STX8: variants seen among roughly 807,000 people sequenced by gnomAD.
The protein encoded by STX8 is syntaxin-8.
STX8 carries 23 observed loss-of-function variants against 37.5 expected under a neutral mutation model. The ratio of observed to expected loss-of-function variants is 0.61; its 90% confidence interval spans 0.44 to 0.87. STX8 has a LOEUF of 0.87. STX8 is among the 40% of genes least tolerant of loss of function. STX8 has a pLI of 0.00. For synonymous variants in STX8, 115 were observed against 99.1 expected (o/e 1.16, Z -0.95); for missense variants, 313 against 284.7 (o/e 1.10, Z -0.71).
At chr17:9,394,017 T>TA (rs1912315881) in intron 6 of STX8, among the ~76,000 whole-genome samples, 1 of 151,698 alleles carries the variant, frequency 6.6e-6, no homozygotes, top group Non-Finnish European at 1.5e-5. Context: ...ACAAGAGAGA[T>TA]ACAGGTAAAG....
intron 2 of STX8, among the ~76,000 whole-genome samples, chr17:9,565,719 C>T (rs1334671892): frequency 2.0e-5 from 3 of 151,988 alleles, no homozygotes; most frequent in Non-Finnish European, 1.5e-5. Flanking sequence ...GAAGGATTCC[C>T]TATTCAATAA....
chr17:9,288,631 C>T (rs1420248232), intron 7 of STX8, among the ~76,000 whole-genome samples: 1 of 151,896 alleles, frequency 6.6e-6, no homozygotes, highest in African/African-American at 2.4e-5. Context: ...CACTGCACTC[C>T]AGCCTGGGTG....
chr17:9,574,829 G>A (rs1567615600), intron 1 of STX8, among the ~76,000 whole-genome samples: 1 of 152,096 alleles, frequency 6.6e-6, no homozygotes, highest in Non-Finnish European at 1.5e-5. Flanking sequence ...CCACCACCGC[G>A]TCCGGCCTAA....
At chr17:9,538,374 T>C (rs547749404) in intron 4 of STX8, among the ~76,000 whole-genome samples, 6 of 152,358 alleles carry the variant, frequency 3.9e-5, no homozygotes, top group South Asian at 4.1e-4. Context: ...AATGATTCTT[T>C]AGGAAATCTA....
At position 9,545,234 on chromosome 17, in the gene STX8, T is replaced by A. The variant is rs999454472; in HGVS notation, c.261A>T (p.Val87=). Residue 87 remains valine (V), a synonymous_variant, in exon 4 of 8, where the codon GTA becomes GTT. Transcript: ENST00000306357. ...DRRQNLLDDL[V]TRERLLLASF... ...ATGCCAGAAGTAGTCTCTCTCGAGT[T>A]ACAAGATCATCCAAGAGGTTCTGTC... The A allele has an allele frequency of 6.2e-7, 1 of 1,614,092 alleles. No homozygotes were observed. Among genetic ancestry groups the A allele is most frequent in the Non-Finnish European group, 8.5e-7 (1 of 1,180,040 alleles).
At chr17:9,431,967 CCTT>C (rs899698952) in intron 6 of STX8, among the ~76,000 whole-genome samples, 1 of 152,118 alleles carries the variant, frequency 6.6e-6, no homozygotes, top group Non-Finnish European at 1.5e-5. Context: ...ACTTCAATCT[CCTT>C]GTTTTCTAAT....
At chr17:9,545,308 T>C in intron 3 of STX8, 26 bp from the exon 4 acceptor site, 1 of 1,532,130 alleles carries the variant, frequency 6.5e-7, no homozygotes, top group Non-Finnish European at 9.0e-7. Flanking sequence ...TAAGGTTCAA[T>C]GGTGAATAAA....
chr17:9,260,814 C>T (rs1366517342), intron 7 of STX8, among the ~76,000 whole-genome samples: 2 of 152,236 alleles, frequency 1.3e-5, no homozygotes, highest in Non-Finnish European at 2.9e-5. Context: ...AGGCCCCTAC[C>T]TGGAGAGAAT....
chr17:9,575,109 T>C (rs1359564670), intron 1 of STX8, among the ~76,000 whole-genome samples: 1 of 152,254 alleles, frequency 6.6e-6, no homozygotes, highest in Admixed American at 6.5e-5. Context: ...AATATGTTCC[T>C]TGGGATCAAA....
intron 7 of STX8, among the ~76,000 whole-genome samples, chr17:9,301,904 T>C (rs544775945): frequency 1.4e-4 from 21 of 152,362 alleles, no homozygotes; most frequent in African/African-American, 4.8e-4. Flanking sequence ...AAGTAAATGT[T>C]ATCTTTGTTG....
intron 5 of STX8, among the ~76,000 whole-genome samples, chr17:9,500,717 T>TGAA (rs1904578287): frequency 1.3e-5 from 2 of 152,188 alleles, no homozygotes; most frequent in African/African-American, 4.8e-5. Flanking sequence ...ATAAAAGATA[T>TGAA]GAAGGCCGGG....
At chr17:9,473,664 T>TA (rs1555530215) in intron 6 of STX8, among the ~76,000 whole-genome samples, 129 of 151,998 alleles carry the variant, frequency 8.5e-4, no homozygotes, top group Middle Eastern at 6.8e-3. Flanking sequence ...CATCCATTTT[T>TA]AAAAAAAAAA....
At chr17:9,374,066 T>C (rs2142277424) in intron 7 of STX8, among the ~76,000 whole-genome samples, 1 of 151,806 alleles carries the variant, frequency 6.6e-6, no homozygotes, top group African/African-American at 2.4e-5. Context: ...TTTTATGCTA[T>C]ATATATTTTA....
At chr17:9,307,895 A>G (rs8069648) in intron 7 of STX8, among the ~76,000 whole-genome samples, 15,417 of 152,122 alleles carry the variant, frequency 0.1, 2,464 homozygotes, top group African/African-American at 0.34. Flanking sequence ...TATAAAACCT[A>G]GAAAGGTCAC....
intron 4 of STX8, among the ~76,000 whole-genome samples, chr17:9,525,923 T>C (rs1168998479): frequency 3.3e-5 from 5 of 152,204 alleles, no homozygotes; most frequent in Non-Finnish European, 7.3e-5. Context: ...TTACCTTCAT[T>C]TTCCTGACAA....
chr17:9,542,057 G>T (rs75318304), intron 4 of STX8, among the ~76,000 whole-genome samples: 1 of 150,964 alleles, frequency 6.6e-6, no homozygotes, highest in Non-Finnish European at 1.5e-5. Context: ...AAAGTGCCAC[G>T]ATTAAGAATA....
At chr17:9,310,617 A>C (rs1433902940) in intron 7 of STX8, among the ~76,000 whole-genome samples, 1 of 151,894 alleles carries the variant, frequency 6.6e-6, no homozygotes, top group African/African-American at 2.4e-5. Flanking sequence ...TTGGGAGGAG[A>C]GTGGGACAGG....
intron 7 of STX8, among the ~76,000 whole-genome samples, chr17:9,308,568 CA>C (rs1909082057): frequency 6.6e-6 from 1 of 151,888 alleles, no homozygotes; most frequent in South Asian, 2.1e-4. Flanking sequence ...ACTAAAAATA[CA>C]AAAATTAGCT....
At chr17:9,450,228 A>ACCACG (rs1249641008) in intron 6 of STX8, among the ~76,000 whole-genome samples, 2 of 150,454 alleles carry the variant, frequency 1.3e-5, no homozygotes, top group Admixed American at 6.6e-5. Context: ...GGTATGCGCC[A>ACCACG]CCACGCCCGG....
Sources: gnomAD v4.1 joint callset for allele counts (sites outside exome capture counted in the v4.1 genomes callset) on GRCh38, gnomAD v4.1.1 for gene constraint, MANE v1.5 for transcripts, NCBI Gene and HGNC (gene_info 2026-07-23, HGNC 2026-07-21) for gene names.